The following EXOC6B variants were observed in gnomAD, a reference collection of about 807,000 sequenced individuals.
The protein encoded by EXOC6B is exocyst complex component 6B, also known as SEC15 homolog B.
EXOC6B carries 54 observed loss-of-function variants against 113.5 expected under a neutral mutation model. The ratio of observed to expected loss-of-function variants is 0.48; its 90% CI spans 0.38 to 0.60. The LOEUF is 0.60. EXOC6B is among the 20% of genes least tolerant of loss of function. The probability of loss-of-function intolerance (pLI) is 0.00; values close to 1 mark genes in which losing one functional copy is unlikely to be tolerated. For synonymous variants in EXOC6B, 357 were observed against 339.0 expected (o/e 1.05, Z -0.58); for missense variants, 797 against 977.5 (o/e 0.82, Z 2.46).
At chr2:72,750,227 CA>C (rs1341975166) in intron 1 of EXOC6B, among the ~76,000 whole-genome samples, 1 of 151,902 alleles carries the variant, frequency 6.6e-6, no homozygotes, top group African/African-American at 2.4e-5. Context: ...ACTCTATAAG[CA>C]ATTAAGTACA....
At chr2:72,408,094 A>G (rs1693907521) in intron 18 of EXOC6B, among the ~76,000 whole-genome samples, 1 of 152,224 alleles carries the variant, frequency 6.6e-6, no homozygotes, top group Non-Finnish European at 1.5e-5. Flanking sequence ...GAGCCAAATC[A>G]TGAGTGAACT....
At chr2:72,581,622 C>T (rs1705230106) in intron 6 of EXOC6B, among the ~76,000 whole-genome samples, 1 of 152,160 alleles carries the variant, frequency 6.6e-6, no homozygotes, top group Non-Finnish European at 1.5e-5. Flanking sequence ...CCAAGCAGAT[C>T]TCCAAGTTCC....
intron 20 of EXOC6B, among the ~76,000 whole-genome samples, chr2:72,206,284 G>C (rs1679836249): frequency 6.6e-6 from 1 of 152,176 alleles, no homozygotes; most frequent in Non-Finnish European, 1.5e-5. Context: ...CTTTAAATAT[G>C]AGAGTAAAAT....
At chr2:72,439,714 T>C (rs2105326278) in intron 18 of EXOC6B, among the ~76,000 whole-genome samples, 1 of 152,332 alleles carries the variant, frequency 6.6e-6, no homozygotes, top group East Asian at 1.9e-4. Context: ...TGAATTCTAC[T>C]TGTGTCATTT....
At chr2:72,571,310 G>A (rs1370899899) in intron 7 of EXOC6B, among the ~76,000 whole-genome samples, 1 of 152,044 alleles carries the variant, frequency 6.6e-6, no homozygotes, top group Non-Finnish European at 1.5e-5. Context: ...AGCATTTTGG[G>A]AAGCCAAGGC....
rs185648565 is a variant in EXOC6B, at chr2:72,405,050, C to T, written c.1981-25180G>A. ...GCTGAAAACCATGGCACAAGAACTA[C>T]GTGACAAATGCACAAGCCTCAGTAG... On this transcript the variant is annotated intron_variant, in intron 18 of 21. Transcript: ENST00000272427. Among the ~76,000 whole-genome samples, 750 of 152,226 alleles carry T rather than the reference C, an allele frequency of 4.9e-3. 10 individuals carry two copies. Among genetic ancestry groups the T allele is most frequent in the African/African-American group, 0.017 (694 of 41,530 alleles).
At position 72,522,968 on chromosome 2, in the gene EXOC6B, C is replaced by T. The variant is rs377020117; in HGVS notation, c.916-7842G>A. On this transcript the variant is annotated intron_variant, in intron 8 of 21. Coordinates refer to ENST00000272427, the MANE Select transcript of EXOC6B (RefSeq NM_015189.3). Reference sequence around the variant, plus strand: ...GCTACAAACTGTCACCATACAAATGCTAGAACTAACATGGGCTCTGAATGA... The same window carrying T: ...GCTACAAACTGTCACCATACAAATGTTAGAACTAACATGGGCTCTGAATGA... 1.2e-4 allele frequency among the ~76,000 whole-genome samples: 19 copies of T among 152,246 alleles called. No individual in the cohort carries two copies. The East Asian group carries it at 3.7e-3, about 29-fold the overall frequency.
intron 19 of EXOC6B, among the ~76,000 whole-genome samples, chr2:72,339,149 G>C (rs1456589259): frequency 6.6e-6 from 1 of 152,076 alleles, no homozygotes; most frequent in African/African-American, 2.4e-5. Context: ...AGAGGGGCAA[G>C]AGGCTCCCAG....
At chr2:72,678,939 TC>T (rs1676499513) in intron 6 of EXOC6B, among the ~76,000 whole-genome samples, 1 of 152,178 alleles carries the variant, frequency 6.6e-6, no homozygotes, top group South Asian at 2.1e-4. Flanking sequence ...ACAATCTCTC[TC>T]CTCTAAAGTA....
chr2:72,619,868 T>C (rs1015408668), intron 6 of EXOC6B, among the ~76,000 whole-genome samples: 1 of 152,204 alleles, frequency 6.6e-6, no homozygotes, highest in Non-Finnish European at 1.5e-5. Flanking sequence ...GGCTTTCAGA[T>C]GACACAGAGC....
chr2:72,496,116 GA>G (rs765324129), intron 14 of EXOC6B, among the ~76,000 whole-genome samples: 5 of 151,902 alleles, frequency 3.3e-5, no homozygotes, highest in East Asian at 1.9e-4. Flanking sequence ...ATGTTGTGGG[GA>G]AAAAATGTCT....
At chr2:72,658,995 G>A (rs1674812166) in intron 6 of EXOC6B, among the ~76,000 whole-genome samples, 1 of 152,024 alleles carries the variant, frequency 6.6e-6, no homozygotes, top group African/African-American at 2.4e-5. Flanking sequence ...CTTCCGCTTA[G>A]TCGTACCTCC....
intron 19 of EXOC6B, among the ~76,000 whole-genome samples, chr2:72,350,384 T>C (rs1689585893): frequency 1.3e-5 from 2 of 152,200 alleles, no homozygotes; most frequent in African/African-American, 4.8e-5. Context: ...ATTAAAACAA[T>C]GATCTAACAT....
intron 18 of EXOC6B, among the ~76,000 whole-genome samples, chr2:72,444,068 C>T (rs1696409684): frequency 6.6e-6 from 1 of 152,132 alleles, no homozygotes; most frequent in Non-Finnish European, 1.5e-5. Flanking sequence ...AAATCAAAAG[C>T]AAGTTAGTTA....
chr2:72,267,738 T>A (rs1684222998), intron 20 of EXOC6B, among the ~76,000 whole-genome samples: 1 of 152,148 alleles, frequency 6.6e-6, no homozygotes, highest in African/African-American at 2.4e-5. Context: ...TCTAGCAGCA[T>A]TTTGCCAATG....
At position 72,628,382 on chromosome 2, in the gene EXOC6B, A is replaced by G. The variant is rs1672187211; in HGVS notation, c.670-52714T>C. Among the ~76,000 whole-genome samples, 2 of 151,808 alleles carry G rather than the reference A, an allele frequency of 1.3e-5. 1 individual carries two copies. The highest frequency in any genetic ancestry group is 4.2e-4 in the South Asian group (2 of 4,808). On this transcript the variant is annotated intron_variant, in intron 6 of 21. Transcript: ENST00000272427. ...GGGCTCAAGTGATCCTCCTGTCTCA[A>G]CCTCCCAAATCACTGGGATTACAGG...
intron 8 of EXOC6B, among the ~76,000 whole-genome samples, chr2:72,546,463 G>A (rs759614779): frequency 6.6e-6 from 1 of 152,108 alleles, no homozygotes; most frequent in Non-Finnish European, 1.5e-5. Flanking sequence ...GAGAGAGAGA[G>A]AGATTATGAG....
chr2:72,225,517 C>T (rs528539375), intron 20 of EXOC6B, among the ~76,000 whole-genome samples: 8 of 152,106 alleles, frequency 5.3e-5, no homozygotes, highest in South Asian at 4.2e-4. Context: ...AGGGAGGATC[C>T]GAGGCTTGGG....
At chr2:72,180,791 G>A (rs1294884581) in intron 21 of EXOC6B, among the ~76,000 whole-genome samples, 1 of 152,204 alleles carries the variant, frequency 6.6e-6, no homozygotes, top group Non-Finnish European at 1.5e-5. Context: ...GGGCATTTAT[G>A]TTTGGTATAT....
Sources: gnomAD v4.1 joint callset for allele counts (sites outside exome capture counted in the v4.1 genomes callset) on GRCh38, gnomAD v4.1.1 for gene constraint, MANE v1.5 for transcripts, NCBI Gene and HGNC (gene_info 2026-07-23, HGNC 2026-07-21) for gene names.